Variants in NOXRED1 observed in about 807,000 individuals in gnomAD.
The protein encoded by NOXRED1 is NADP-dependent oxidoreductase domain-containing protein 1.
A neutral mutation model predicts 30.4 loss-of-function variants in NOXRED1; 20 were observed. The ratio of observed to expected loss-of-function variants is 0.66; its 90% confidence interval spans 0.46 to 0.96. The LOEUF (loss-of-function observed/expected upper bound fraction) is 0.96, where lower values mean the gene tolerates loss of function less well. NOXRED1 is among the 40% of genes least tolerant of loss of function. The pLI is 0.00. For synonymous variants in NOXRED1, 155 were observed against 168.0 expected, an observed-to-expected ratio of 0.92 and a Z score of 0.60; for missense variants, 374 against 428.0, an observed-to-expected ratio of 0.87 and a Z score of 1.11.
chr14:77,410,008 G>C (rs1038918109), intron 2 of NOXRED1, among the ~76,000 whole-genome samples: 4 of 151,944 alleles, frequency 2.6e-5, no homozygotes, highest in Non-Finnish European at 5.9e-5. Flanking sequence ...TCATCATGTT[G>C]GCCAGGCTGG....
At chr14:77,405,885 A>G (rs1437112371) in intron 5 of NOXRED1, 28 bp downstream of exon 5, 4 of 1,344,548 alleles carry the variant, frequency 3.0e-6, no homozygotes, top group East Asian at 4.6e-5. Flanking sequence ...GGGAGAAATG[A>G]GAATGGCCAG....
rs1216675508 is a variant in NOXRED1, at chr14:77,406,825, T to C, written c.581A>G (p.Tyr194Cys). The change falls in exon 4 of 6, where the codon TAT becomes TGT. Residue 194 changes from tyrosine to cysteine, a missense_variant. Physicochemically the swap from Tyr to Cys is radical, Grantham distance 194 (BLOSUM62 -2). Coordinates refer to ENST00000380835, the MANE Select transcript of NOXRED1 (RefSeq NM_001113475.3). ...CCAGACGCTGACAGAATCTTCATCA[T>C]ACTGATACTGAGGCCGCAAGATATT... is the stretch of plus-strand genomic sequence containing the variant. Reference protein sequence around the residue: ...HTNILRPQYQYDEDSVSVWGA... With the variant: ...HTNILRPQYQCDEDSVSVWGA... 9.3e-6 allele frequency: 15 copies of C among 1,614,054 alleles called. No individual in the cohort carries two copies. Among genetic ancestry groups the C allele is most frequent in the Non-Finnish European group, 1.2e-5 (14 of 1,179,924 alleles).
At chr14:77,415,603 T>TAGAC (rs1594879453) in intron 1 of NOXRED1, among the ~76,000 whole-genome samples, 1 of 141,398 alleles carries the variant, frequency 7.1e-6, no homozygotes, top group Non-Finnish European at 1.5e-5. Context: ...GATAGATAGA[T>TAGAC]AGATAGATAG....
Position 77,423,073 on chromosome 14 carries a change from G to A in NOXRED1, c.-184C>T, listed in dbSNP as rs1895044485. On this transcript the variant is annotated 5_prime_UTR_variant, in exon 1 of 6. Transcript: ENST00000380835. ...TCTGAATTTGGAATTCACCTCTCTT[G>A]AATTCACACTCTAGAGTGTGAGTGT... 5 of 573,286 alleles carry A rather than the reference G, an allele frequency of 8.7e-6. No homozygotes were observed. Among genetic ancestry groups the A allele is most frequent in the Middle Eastern group, 9.2e-4 (2 of 2,182 alleles). The allele number at this position is 573,286 out of a possible 1,614,324, so 35.5% of individuals were successfully genotyped here. A position where few individuals can be genotyped will look rare whatever the true frequency, so the allele number is the denominator to read the frequency against.
intron 5 of NOXRED1, among the ~76,000 whole-genome samples, chr14:77,400,798 G>A (rs866246721): frequency 6.6e-6 from 1 of 151,968 alleles, no homozygotes; most frequent in Non-Finnish European, 1.5e-5. Flanking sequence ...ATGAACAAGT[G>A]GAATTTAAAA....
At chr14:77,408,662 T>A (rs1289037660) in intron 2 of NOXRED1, among the ~76,000 whole-genome samples, 1 of 152,152 alleles carries the variant, frequency 6.6e-6, no homozygotes, top group Non-Finnish European at 1.5e-5. Context: ...ATTTTACAGA[T>A]GAGACTGAGG....
chr14:77,404,739 G>C (rs1361822171), intron 5 of NOXRED1, among the ~76,000 whole-genome samples: 5 of 151,982 alleles, frequency 3.3e-5, no homozygotes, highest in Non-Finnish European at 2.9e-5. Context: ...AAAATGAGGA[G>C]AACGGGAGGG....
At position 77,394,289 on chromosome 14, in the gene NOXRED1, C is replaced by T. The variant is rs1448552389; in HGVS notation, c.*342G>A. ...GAAACTTGATTTATTGGAAAAGAAG[C>T]TGCAGTATGTAATTGTCTAAAACTT... On this transcript the variant is annotated 3_prime_UTR_variant, in exon 6 of 6. Coordinates refer to ENST00000380835, the MANE Select transcript of NOXRED1 (RefSeq NM_001113475.3). The T allele has an allele frequency of 2.4e-5, 4 of 163,794 alleles. No homozygotes were observed. The highest frequency in any genetic ancestry group is 5.3e-5 in the Non-Finnish European group (4 of 75,920). 10.1% of individuals were successfully genotyped at this position (163,794 alleles called of 1,614,324 possible).
intron 5 of NOXRED1, among the ~76,000 whole-genome samples, chr14:77,403,573 G>A (rs771359030): frequency 2.0e-5 from 3 of 151,878 alleles, no homozygotes; most frequent in African/African-American, 2.4e-5. Context: ...GGAAGATCAC[G>A]TGAGCCCAGG....
chr14:77,414,962 A>C (rs1894771903), intron 1 of NOXRED1, among the ~76,000 whole-genome samples: 1 of 152,008 alleles, frequency 6.6e-6, no homozygotes, highest in Non-Finnish European at 1.5e-5. Context: ...AGATCACTTG[A>C]GCTCAGGAGT....
chr14:77,406,015 G>A lies in NOXRED1; in HGVS notation c.803C>T (p.Ser268Phe), dbSNP rs753744964. The change falls in exon 5 of 6, where the codon TCC (serine) becomes TTC (phenylalanine). Residue 268 changes from serine to phenylalanine, a missense_variant. Ser to Phe is a radical substitution (Grantham distance 155, BLOSUM62 -2). Transcript: ENST00000380835. ...VLQLLSELFL[S>F]VHFEDCGKDT... The stretch of plus-strand genomic sequence containing the variant: ...TTTCCCACAGTCTTCAAAGTGCACG[G>A]AGAGAAAGAGTTCACTCAGAAGCTG... 3.1e-6 allele frequency: 5 copies of A among 1,613,746 alleles called. No individual in the cohort carries two copies. The South Asian group carries it at 5.5e-5, about 18-fold the overall frequency.
chr14:77,412,919 A>G (rs1327500477), intron 2 of NOXRED1, among the ~76,000 whole-genome samples: 1 of 152,200 alleles, frequency 6.6e-6, no homozygotes, highest in Non-Finnish European at 1.5e-5. Context: ...TAGAGAAAAA[A>G]AAAACACGGG....
intron 1 of NOXRED1, among the ~76,000 whole-genome samples, chr14:77,418,137 T>C (rs1477648820): frequency 6.6e-6 from 1 of 152,144 alleles, no homozygotes; most frequent in Admixed American, 6.5e-5. Flanking sequence ...GGTTTTTTTT[T>C]AGTATTTTTA....
chr14:77,404,033 C>T (rs1452950698), intron 5 of NOXRED1, among the ~76,000 whole-genome samples: 2 of 152,162 alleles, frequency 1.3e-5, no homozygotes, highest in African/African-American at 4.8e-5. Flanking sequence ...TATTTCCAAC[C>T]TGCAATTCTA....
chr14:77,416,649 AC>A (rs1279363832), intron 1 of NOXRED1, among the ~76,000 whole-genome samples: 1 of 151,826 alleles, frequency 6.6e-6, no homozygotes, highest in East Asian at 1.9e-4. Flanking sequence ...TCTTTTCCCC[AC>A]CCTTCCCCCC....
At chr14:77,416,432 T>G (rs1894823098) in intron 1 of NOXRED1, among the ~76,000 whole-genome samples, 1 of 152,186 alleles carries the variant, frequency 6.6e-6, no homozygotes, top group African/African-American at 2.4e-5. Flanking sequence ...TTCAAGCATC[T>G]GTTTAACAAA....
Position 77,394,747 on chromosome 14 carries a change from G to C in NOXRED1, c.964C>G (p.His322Asp). Residue 322 changes from histidine to aspartate, a missense_variant, in exon 6 of 6, where the codon CAT (histidine) becomes GAT (aspartate). His to Asp is a moderately conservative substitution (Grantham distance 81, BLOSUM62 -1). Transcript: ENST00000380835. ...TGGAGAACAGGACTACTTGAGAGAT[G>C]CTGGCTAAACGGAGTTTCCTTGAGT... The part of the protein sequence containing the change: ...VQLKETPFSQ[H>D]LSSSPVLQDH... 6.2e-7 allele frequency: 1 copy of C among 1,613,416 alleles called. No individual in the cohort carries two copies. Among genetic ancestry groups the C allele is most frequent in the South Asian group, 1.1e-5 (1 of 91,070 alleles).
chr14:77,425,088 C>T (rs1273564644), upstream of NOXRED1, among the ~76,000 whole-genome samples: 1 of 152,186 alleles, frequency 6.6e-6, no homozygotes, highest in Non-Finnish European at 1.5e-5. Flanking sequence ...CCCACCTCAT[C>T]AAGGTTTGAG....
upstream of NOXRED1, among the ~76,000 whole-genome samples, chr14:77,425,287 G>T (rs1179712083): frequency 6.6e-6 from 1 of 152,176 alleles, no homozygotes; most frequent in Non-Finnish European, 1.5e-5. Context: ...TACTCAAACA[G>T]AAAAGACAGG....
Sources: gnomAD v4.1 joint callset for allele counts (sites outside exome capture counted in the v4.1 genomes callset) on GRCh38, gnomAD v4.1.1 for gene constraint, MANE v1.5 for transcripts, NCBI Gene and HGNC (gene_info 2026-07-23, HGNC 2026-07-21) for gene names.